TMEM132B: variants seen among roughly 807,000 people sequenced by gnomAD.
TMEM132B encodes the protein transmembrane protein 132B.
A neutral mutation model predicts 90.8 loss-of-function variants in TMEM132B; 18 were observed. That is an observed-to-expected ratio of 0.20 (90% CI 0.14 to 0.29). The LOEUF (loss-of-function observed/expected upper bound fraction) is 0.29. Among genes scored for constraint, TMEM132B ranks in the 10% least tolerant of loss-of-function variants. TMEM132B has a pLI of 1.00. For synonymous variants in TMEM132B, 504 were observed against 523.3 expected, an observed-to-expected ratio of 0.96 and a Z score of 0.50; for missense variants, 1,096 against 1,326.8, an observed-to-expected ratio of 0.83 and a Z score of 2.70.
At chr12:125,652,655 G>A (rs187127067) in intron 8 of TMEM132B, 23 bp downstream of exon 8, 21 of 1,595,388 alleles carry the variant, frequency 1.3e-5, no homozygotes, top group African/African-American at 1.1e-4. Context: ...GGGGCCCTGC[G>A]TCCTTGGTCA....
At chr12:125,597,094 T>G (rs1346969490) in intron 5 of TMEM132B, among the ~76,000 whole-genome samples, 2 of 152,182 alleles carry the variant, frequency 1.3e-5, no homozygotes, top group Non-Finnish European at 2.9e-5. Flanking sequence ...GAAAGAATTT[T>G]GGTTTCATAA....
chr12:125,322,647 G>A (rs564735839), intron 1 of TMEM132B, among the ~76,000 whole-genome samples: 2 of 152,238 alleles, frequency 1.3e-5, no homozygotes, highest in South Asian at 4.1e-4. Flanking sequence ...AATTGGGTAC[G>A]TTTTATTGGA....
intron 1 of TMEM132B, among the ~76,000 whole-genome samples, chr12:125,208,419 A>G (rs187299512): frequency 6.6e-6 from 1 of 152,252 alleles, no homozygotes; most frequent in African/African-American, 2.4e-5. Flanking sequence ...CCCAAAAAGA[A>G]ACCCTGTACC....
chr12:125,603,337 A>T (rs1244998383), intron 5 of TMEM132B, among the ~76,000 whole-genome samples: 1 of 152,164 alleles, frequency 6.6e-6, no homozygotes, highest in Non-Finnish European at 1.5e-5. Flanking sequence ...CAAACCTGAC[A>T]AAAGCAATGG....
intron 5 of TMEM132B, among the ~76,000 whole-genome samples, chr12:125,642,209 T>A (rs1032368996): frequency 4.6e-5 from 7 of 152,194 alleles, no homozygotes; most frequent in African/African-American, 9.7e-5. Context: ...AGGCTCAGCA[T>A]TGTGTCAGCA....
intron 1 of TMEM132B, among the ~76,000 whole-genome samples, chr12:125,305,800 G>A (rs543132530): frequency 1.3e-5 from 2 of 152,316 alleles, no homozygotes; most frequent in East Asian, 1.9e-4. Flanking sequence ...TGGACTGTTC[G>A]TGTTGCTTCC....
intron 2 of TMEM132B, among the ~76,000 whole-genome samples, chr12:125,382,313 A>G (rs1029988145): frequency 1.3e-5 from 2 of 152,058 alleles, no homozygotes; most frequent in African/African-American, 2.4e-5. Context: ...TAGCATCTCC[A>G]TTTTTCTAGT....
chr12:125,385,032 C>T (rs981774072), intron 2 of TMEM132B, among the ~76,000 whole-genome samples: 4 of 152,322 alleles, frequency 2.6e-5, no homozygotes, highest in Admixed American at 2.6e-4. Context: ...ATTCTACTCC[C>T]TACTTCTATG....
intron 4 of TMEM132B, among the ~76,000 whole-genome samples, chr12:125,535,029 T>C (rs1883760655): frequency 1.3e-5 from 2 of 152,212 alleles, no homozygotes; most frequent in Non-Finnish European, 2.9e-5. Context: ...GACAGATGAA[T>C]AAACAGCACC....
At chr12:125,382,968 A>G (rs1417470199) in intron 2 of TMEM132B, among the ~76,000 whole-genome samples, 5 of 152,160 alleles carry the variant, frequency 3.3e-5, no homozygotes, top group Admixed American at 3.3e-4. Flanking sequence ...GGGTTTTTTG[A>G]CAACTGCAGA....
At chr12:125,326,979 C>T (rs374697205) in intron 1 of TMEM132B, among the ~76,000 whole-genome samples, 100 of 152,112 alleles carry the variant, frequency 6.6e-4, no homozygotes, top group African/African-American at 2.4e-3. Context: ...ACAACACAGG[C>T]ACCTGCTTTC....
chr12:125,314,690 G>T (rs1271251952), intron 1 of TMEM132B, among the ~76,000 whole-genome samples: 2 of 152,232 alleles, frequency 1.3e-5, no homozygotes, highest in Non-Finnish European at 2.9e-5. Context: ...AATGAGTGAA[G>T]TTGCCAGAGG....
intron 4 of TMEM132B, among the ~76,000 whole-genome samples, chr12:125,580,573 C>A (rs913406522): frequency 6.6e-6 from 1 of 152,190 alleles, no homozygotes; most frequent in Admixed American, 6.5e-5. Flanking sequence ...GATACTACAG[C>A]ACTAGAAAGT....
intron 1 of TMEM132B, among the ~76,000 whole-genome samples, chr12:125,291,846 C>T (rs1322872107): frequency 2.0e-5 from 3 of 152,222 alleles, no homozygotes; most frequent in Non-Finnish European, 4.4e-5. Context: ...AGTCTATCCA[C>T]ATGATTATGC....
rs140811007 is a variant in TMEM132B, at chr12:125,547,056, C to T, written c.1293+27431C>T. Among the ~76,000 whole-genome samples, 628 of 152,260 alleles carry T rather than the reference C, an allele frequency of 4.1e-3. 3 individuals carry two copies. The highest frequency in any genetic ancestry group is 7.1e-3 in the African/African-American group (293 of 41,544). On this transcript the variant is annotated intron_variant, in intron 4 of 8. Transcript: ENST00000682704. Reference sequence around the variant, plus strand: ...CTAATTCACTATCATGAGAACAGGACGGGGGAAACTGCCCCCATGATTCAA... The same window carrying T: ...CTAATTCACTATCATGAGAACAGGATGGGGGAAACTGCCCCCATGATTCAA...
chr12:125,426,923 A>G (rs1880334069), intron 3 of TMEM132B, among the ~76,000 whole-genome samples: 1 of 152,226 alleles, frequency 6.6e-6, no homozygotes, highest in African/African-American at 2.4e-5. Flanking sequence ...AGAGAACACA[A>G]TGGGTTCCGT....
chr12:125,501,011 G>A (rs1882682843), intron 3 of TMEM132B, among the ~76,000 whole-genome samples: 1 of 152,186 alleles, frequency 6.6e-6, no homozygotes, highest in African/African-American at 2.4e-5. Flanking sequence ...TTCAGAACAA[G>A]GGTTTTATGT....
At chr12:125,285,930 C>T (rs1025909899) in intron 1 of TMEM132B, among the ~76,000 whole-genome samples, 3 of 152,208 alleles carry the variant, frequency 2.0e-5, no homozygotes, top group Non-Finnish European at 4.4e-5. Flanking sequence ...AAGGTGCTTT[C>T]TGCGCCTAGA....
At chr12:125,636,544 A>G (rs917455534) in intron 5 of TMEM132B, among the ~76,000 whole-genome samples, 1 of 152,174 alleles carries the variant, frequency 6.6e-6, no homozygotes, top group African/African-American at 2.4e-5. Context: ...CCTCTAGTGT[A>G]TGGCTTTCAA....
Sources: gnomAD v4.1 joint callset for allele counts (sites outside exome capture counted in the v4.1 genomes callset) on GRCh38, gnomAD v4.1.1 for gene constraint, MANE v1.5 for transcripts, NCBI Gene and HGNC (gene_info 2026-07-23, HGNC 2026-07-21) for gene names.